The following CADM2 variants were observed in gnomAD, a reference collection of about 807,000 sequenced individuals.
CADM2 encodes the protein immunoglobulin superfamily member 4D.
In CADM2, 12 loss-of-function variants were observed where a neutral mutation model predicts 49.8. That is an observed-to-expected ratio of 0.24 (90% CI 0.15 to 0.39). The LOEUF is 0.39. Among genes scored for constraint, CADM2 ranks in the 10% least tolerant of loss-of-function variants. CADM2 has a pLI of 1.00. For synonymous variants in CADM2, 214 were observed against 175.4 expected (o/e 1.22, Z -1.74); for missense variants, 378 against 492.3 (o/e 0.77, Z 2.20).
intron 8 of CADM2, among the ~76,000 whole-genome samples, chr3:86,053,611 G>T (rs1737588063): frequency 6.6e-6 from 1 of 152,010 alleles, no homozygotes; most frequent in South Asian, 2.1e-4. Flanking sequence ...TTTTTAACAT[G>T]CAGTAATCAT....
chr3:85,712,504 A>G (rs529228886), intron 1 of CADM2, among the ~76,000 whole-genome samples: 76 of 152,308 alleles, frequency 5.0e-4, no homozygotes, highest in African/African-American at 1.7e-3. Flanking sequence ...ATTTTCCACA[A>G]AGCAGAAGAT....
intron 1 of CADM2, among the ~76,000 whole-genome samples, chr3:85,108,535 G>A (rs1410528759): frequency 1.3e-5 from 2 of 152,122 alleles, no homozygotes; most frequent in African/African-American, 4.8e-5. Flanking sequence ...CAGAGGCTGG[G>A]TGAGGAGATA....
chr3:85,161,245 GTTGAA>G (rs935691999), intron 1 of CADM2, among the ~76,000 whole-genome samples: 8 of 152,176 alleles, frequency 5.3e-5, no homozygotes, highest in African/African-American at 1.9e-4. Context: ...AAAATGTTAT[GTTGAA>G]TAAGAATTTT....
At chr3:85,801,254 A>G (rs1278824718) in intron 2 of CADM2, among the ~76,000 whole-genome samples, 1 of 152,192 alleles carries the variant, frequency 6.6e-6, no homozygotes, top group Non-Finnish European at 1.5e-5. Flanking sequence ...ACAAATTAGT[A>G]AAATGCTTAA....
intron 1 of CADM2, among the ~76,000 whole-genome samples, chr3:85,639,689 T>C (rs986498775): frequency 3.9e-5 from 6 of 152,182 alleles, no homozygotes; most frequent in Non-Finnish European, 8.8e-5. Flanking sequence ...CAAGTGTTTG[T>C]ATGATGTATT....
chr3:85,096,705 G>A (rs1251079281), intron 1 of CADM2, among the ~76,000 whole-genome samples: 1 of 152,022 alleles, frequency 6.6e-6, no homozygotes, highest in African/African-American at 2.4e-5. Flanking sequence ...CCAGACTGAG[G>A]TAAATGGGTT....
At chr3:85,142,568 A>G (rs994124703) in intron 1 of CADM2, among the ~76,000 whole-genome samples, 8 of 152,198 alleles carry the variant, frequency 5.3e-5, no homozygotes, top group Admixed American at 5.2e-4. Context: ...GATTATTTTT[A>G]TTGAAATAGT....
intron 7 of CADM2, among the ~76,000 whole-genome samples, chr3:85,957,541 A>C (rs550609310): frequency 6.6e-6 from 1 of 151,864 alleles, no homozygotes; most frequent in South Asian, 2.1e-4. Context: ...GTTACCAACA[A>C]TCAGTTTCCC....
At chr3:85,607,954 C>T (rs2063578813) in intron 1 of CADM2, among the ~76,000 whole-genome samples, 1 of 151,650 alleles carries the variant, frequency 6.6e-6, no homozygotes, top group African/African-American at 2.4e-5. Context: ...CACGCCCGGC[C>T]AATAATTAGA....
chr3:85,147,310 A>C (rs2039779024), intron 1 of CADM2, among the ~76,000 whole-genome samples: 1 of 148,568 alleles, frequency 6.7e-6, no homozygotes, highest in Non-Finnish European at 1.5e-5. Context: ...AAAAAAGACA[A>C]CATGAGTAAG....
chr3:85,506,011 T>C (rs2040335638), intron 1 of CADM2, among the ~76,000 whole-genome samples: 1 of 152,192 alleles, frequency 6.6e-6, no homozygotes, highest in Admixed American at 6.5e-5. Context: ...AATAGTCAAA[T>C]CTGATCCTTT....
At chr3:85,166,350 C>A (rs569864225) in intron 1 of CADM2, among the ~76,000 whole-genome samples, 25 of 151,648 alleles carry the variant, frequency 1.6e-4, no homozygotes, top group Admixed American at 9.9e-4. Flanking sequence ...TTGGATATAA[C>A]ATGGAAATTT....
intron 1 of CADM2, among the ~76,000 whole-genome samples, chr3:85,069,404 T>G (rs2036641482): frequency 6.6e-6 from 1 of 152,154 alleles, no homozygotes; most frequent in African/African-American, 2.4e-5. Flanking sequence ...AAAGTACTTT[T>G]GCATATTATG....
At chr3:85,463,706 A>C (rs2038359131) in intron 1 of CADM2, among the ~76,000 whole-genome samples, 1 of 152,140 alleles carries the variant, frequency 6.6e-6, no homozygotes, top group African/African-American at 2.4e-5. Context: ...ATTTGCTTTA[A>C]AAATGGTGTG....
Position 85,650,848 on chromosome 3 carries a change from G to A in CADM2, c.62-75674G>A, listed in dbSNP as rs556436665. 7.7e-4 allele frequency among the ~76,000 whole-genome samples: 116 copies of A among 150,090 alleles called. 1 individual carries two copies. Among genetic ancestry groups the A allele is most frequent in the Non-Finnish European group, 1.5e-3 (99 of 67,634 alleles). On this transcript the variant is annotated intron_variant, in intron 1 of 9. Coordinates refer to ENST00000383699, the MANE Select transcript of CADM2 (RefSeq NM_001167675.2). Reference sequence around the variant, plus strand: ...GCACCATAAATGTTAATTTTCAAAAGAAGGATGCCTTCTAAATGGCCACAT... The same window carrying A: ...GCACCATAAATGTTAATTTTCAAAAAAAGGATGCCTTCTAAATGGCCACAT...
chr3:85,300,426 T>C (rs2044068481), intron 1 of CADM2, among the ~76,000 whole-genome samples: 1 of 152,174 alleles, frequency 6.6e-6, no homozygotes, highest in South Asian at 2.1e-4. Flanking sequence ...AGTTTTTACT[T>C]GGATGCTCTC....
intron 2 of CADM2, among the ~76,000 whole-genome samples, chr3:85,728,503 G>A (rs986826518): frequency 4.0e-5 from 6 of 151,700 alleles, no homozygotes; most frequent in Non-Finnish European, 5.9e-5. Context: ...TGATTTTTTG[G>A]TCCAATTTCT....
chr3:85,533,887 A>G (rs1433430477), intron 1 of CADM2, among the ~76,000 whole-genome samples: 1 of 152,182 alleles, frequency 6.6e-6, no homozygotes, highest in African/African-American at 2.4e-5. Context: ...TTCTAGGGAA[A>G]GAGCAAGCCT....
At chr3:84,960,472 C>T (rs982693686) in intron 1 of CADM2, 1 of 151,866 alleles carries the variant, frequency 6.6e-6, no homozygotes, top group Non-Finnish European at 1.5e-5. Flanking sequence ...ATTATTCAGT[C>T]TGTGTCGTTT....
Sources: gnomAD v4.1 joint callset for allele counts (sites outside exome capture counted in the v4.1 genomes callset) on GRCh38, gnomAD v4.1.1 for gene constraint, MANE v1.5 for transcripts, NCBI Gene and HGNC (gene_info 2026-07-23, HGNC 2026-07-21) for gene names.